Variants in DDAH1 observed in about 807,000 individuals in gnomAD.
DDAH1 encodes dimethylarginine dimethylaminohydrolase 1.
A neutral mutation model predicts 28.8 loss-of-function variants in DDAH1; 19 were observed. The observed-to-expected ratio is 0.66, with a 90% CI of 0.46 to 0.97. DDAH1 has a LOEUF of 0.97. Among genes scored for constraint, DDAH1 ranks in the 50% least tolerant of loss-of-function variants. The pLI, the probability that DDAH1 is intolerant of heterozygous loss-of-function variation, is 0.00. For synonymous variants in DDAH1, 153 were observed against 154.4 expected (o/e 0.99, Z 0.07); for missense variants, 326 against 375.9 (o/e 0.87, Z 1.10).
chr1:85,396,939 A>C (rs906313091), intron 1 of DDAH1, among the ~76,000 whole-genome samples: 1 of 151,628 alleles, frequency 6.6e-6, no homozygotes, highest in African/African-American at 2.4e-5. Context: ...GGAGGCTGAG[A>C]GGTGGGAGGA....
At chr1:85,389,372 A>G (rs1651430644) in intron 1 of DDAH1, among the ~76,000 whole-genome samples, 1 of 152,228 alleles carries the variant, frequency 6.6e-6, no homozygotes, top group African/African-American at 2.4e-5. Flanking sequence ...TGTTCAATAA[A>G]TATTATTTAC....
At chr1:85,446,314 A>C (rs1302994907) in intron 1 of DDAH1, among the ~76,000 whole-genome samples, 2 of 152,166 alleles carry the variant, frequency 1.3e-5, no homozygotes, top group African/African-American at 4.8e-5. Context: ...TAAAGGGGGA[A>C]GAGCCCCTTA....
rs569080790 is a variant in DDAH1, at chr1:85,352,469, C to T, written c.404-890G>A. Among the ~76,000 whole-genome samples, 8 of 152,182 alleles carry T rather than the reference C, an allele frequency of 5.3e-5. 1 individual carries two copies. Among genetic ancestry groups the T allele is most frequent in the Admixed American group, 2.0e-4 (3 of 15,304 alleles). ...ACAAATGTACAACAATAAATGATGTCGTAGGAAAGTGCTCAATGAGCCCAC... is the reference window on the plus strand; with the variant it reads ...ACAAATGTACAACAATAAATGATGTTGTAGGAAAGTGCTCAATGAGCCCAC... On this transcript the variant is annotated intron_variant, in intron 2 of 5. Transcript: ENST00000284031.
At chr1:85,425,031 G>T (rs1045998154) in intron 1 of DDAH1, among the ~76,000 whole-genome samples, 2 of 151,988 alleles carry the variant, frequency 1.3e-5, no homozygotes, top group Non-Finnish European at 2.9e-5. Context: ...GCTCTGTTAA[G>T]AAGCCTTCAA....
intron 1 of DDAH1, among the ~76,000 whole-genome samples, chr1:85,427,600 C>T (rs763770645): frequency 2.6e-5 from 4 of 152,198 alleles, no homozygotes; most frequent in Non-Finnish European, 4.4e-5. Context: ...CTGAAATAGT[C>T]ATCATCTTCT....
intron 4 of DDAH1, among the ~76,000 whole-genome samples, chr1:85,344,101 A>G (rs1220463506): frequency 2.0e-5 from 3 of 152,354 alleles, no homozygotes; most frequent in Non-Finnish European, 4.4e-5. Context: ...TTACAAGTCT[A>G]TTGAAAAACC....
At chr1:85,509,088 A>G (rs1213011362) in intron 1 of DDAH1, among the ~76,000 whole-genome samples, 1 of 152,204 alleles carries the variant, frequency 6.6e-6, no homozygotes, top group Non-Finnish European at 1.5e-5. Context: ...GATACCTCAT[A>G]TAGGCAGGTG....
chr1:85,531,501 C>T (rs7549320), intron 1 of DDAH1, among the ~76,000 whole-genome samples: 21,730 of 152,198 alleles, frequency 0.14, 1,604 homozygotes, highest in South Asian at 0.21. Flanking sequence ...CAAGACCTAC[C>T]ATTTATTATA....
intron 1 of DDAH1, among the ~76,000 whole-genome samples, chr1:85,369,410 C>G (rs1408822938): frequency 6.6e-6 from 1 of 152,088 alleles, no homozygotes; most frequent in Non-Finnish European, 1.5e-5. Flanking sequence ...AAATATCCAC[C>G]TTGTTTAGAC....
At chr1:85,503,235 A>T (rs1221533266) in intron 1 of DDAH1, among the ~76,000 whole-genome samples, 4 of 152,030 alleles carry the variant, frequency 2.6e-5, no homozygotes, top group Non-Finnish European at 4.4e-5. Context: ...ATGGAGTTTC[A>T]CTCTTGTTGC....
At chr1:85,420,838 G>A (rs75564843) in intron 1 of DDAH1, among the ~76,000 whole-genome samples, 1 of 152,136 alleles carries the variant, frequency 6.6e-6, no homozygotes, top group African/African-American at 2.4e-5. Flanking sequence ...TTCTGTGTTA[G>A]ACCATTCCCA....
rs116275152 is a variant in DDAH1, at chr1:85,547,621, C to T, written c.-123+30363G>A. On this transcript the variant is annotated intron_variant, in intron 1 of 6. Coordinates refer to the DDAH1 transcript ENST00000426972. ...CATTCCATCAACTACATTATAAGTT[C>T]CTCGAAGTGACAAAAGTGGTTTAAC... Among the ~76,000 whole-genome samples the T allele has an allele frequency of 3.6e-3, 547 of 152,284 alleles. 4 individuals are homozygous for T. The highest frequency in any genetic ancestry group is 0.012 in the African/African-American group (515 of 41,558).
chr1:85,492,806 T>C lies in DDAH1; in HGVS notation c.-7+3360A>G, dbSNP rs192896574. Reference sequence around the variant, plus strand: ...ATGACATTTTGTAGTAAAACCCTTATGTTTTTCAGCTTGTAATTACTCTCA... The same window carrying C: ...ATGACATTTTGTAGTAAAACCCTTACGTTTTTCAGCTTGTAATTACTCTCA... On this transcript the variant is annotated intron_variant, in intron 2 of 6. Transcript: ENST00000426972. Among the ~76,000 whole-genome samples, 4 of 152,322 alleles carry C rather than the reference T, an allele frequency of 2.6e-5. No individual in the cohort carries two copies. In the East Asian group the frequency reaches 5.8e-4, roughly 22 times the overall value.
At chr1:85,441,133 G>A (rs11161615) in intron 1 of DDAH1, among the ~76,000 whole-genome samples, 34,936 of 152,126 alleles carry the variant, frequency 0.23, 4,424 homozygotes, top group East Asian at 0.42. Context: ...TAAAGCACAC[G>A]CTCAATAGGA....
intron 1 of DDAH1, among the ~76,000 whole-genome samples, chr1:85,459,548 T>C (rs902765269): frequency 6.6e-6 from 1 of 152,198 alleles, no homozygotes; most frequent in Non-Finnish European, 1.5e-5. Context: ...TTCTAACTAG[T>C]TGGCGGTGAT....
In DDAH1 at chr1:85,464,589, G is replaced by GACAC. The variant is rs4001153; in HGVS notation, c.303+150_303+153dup. On this transcript the variant is annotated intron_variant, in intron 1 of 5. Coordinates refer to ENST00000284031, the MANE Select transcript of DDAH1 (RefSeq NM_012137.4). This position sits in a 1 kb window ranked among gnomAD's most constrained non-coding sequence, Gnocchi z 4.4. ...ACAATGAACTTCTCTCTGACTCTCT[G>GACAC]ACACACACACACACACACACACTCG... is the stretch of plus-strand genomic sequence containing the variant. The GACAC allele has an allele frequency of 1.5e-3, 2,064 of 1,375,286 alleles. 3 individuals are homozygous for GACAC. The highest frequency in any genetic ancestry group is 0.01 in the African/African-American group (716 of 70,386). The allele number at this position is 1,375,286 out of a possible 1,614,324, so 85.2% of individuals were successfully genotyped here. A position where few individuals can be genotyped will look rare whatever the true frequency, so the allele number is the denominator to read the frequency against.
intron 1 of DDAH1, chr1:85,435,354 A>T (rs993351456): frequency 1.3e-5 from 2 of 152,238 alleles, no homozygotes; most frequent in African/African-American, 4.8e-5. Flanking sequence ...TAATAAGGCA[A>T]ATAACATGAT....
chr1:85,542,080 A>C (rs1658486412), intron 1 of DDAH1, among the ~76,000 whole-genome samples: 1 of 152,242 alleles, frequency 6.6e-6, no homozygotes, highest in Non-Finnish European at 1.5e-5. Context: ...GCAAATGAAT[A>C]AACTGAGGCT....
At chr1:85,393,454 A>G (rs991730898) in intron 1 of DDAH1, among the ~76,000 whole-genome samples, 3 of 152,222 alleles carry the variant, frequency 2.0e-5, no homozygotes, top group Admixed American at 2.0e-4. Context: ...TTAATAAACA[A>G]TCTAAAATGA....
Sources: allele counts gnomAD v4.1 joint callset (sites outside exome capture counted in the v4.1 genomes callset), GRCh38; gene constraint gnomAD v4.1.1; non-coding constraint Gnocchi (gnomAD v3.1); transcripts MANE v1.5; gene names NCBI Gene and HGNC (gene_info 2026-07-23, HGNC 2026-07-21).